PRPF18: variants seen among roughly 807,000 people sequenced by gnomAD.
PRPF18 encodes pre-mRNA-splicing factor 18.
PRPF18 carries 38 observed loss-of-function variants against 46.5 expected under a neutral mutation model. The ratio of observed to expected loss-of-function variants is 0.82; its 90% CI spans 0.63 to 1.07. The LOEUF is 1.07. Among genes scored for constraint, PRPF18 ranks in the 50% least tolerant of loss-of-function variants. PRPF18 has a pLI of 0.00. For synonymous variants in PRPF18, 152 were observed against 146.7 expected (o/e 1.04, Z -0.26); for missense variants, 263 against 410.0 (o/e 0.64, Z 3.10).
the PRPF18 span, chr10:13,653,981 A>T: frequency 7.7e-5 from 19 of 246,058 alleles, no homozygotes; most frequent in African/African-American, 4.5e-4. Flanking sequence ...TTTTTCTTGC[A>T]CCCTGAGACA....
chr10:13,638,299 CTT>C, the PRPF18 span, among the ~76,000 whole-genome samples: 25 of 124,998 alleles, frequency 2.0e-4, 1 homozygote, highest in Middle Eastern at 0.013. Context: ...CTTGGCTTTT[CTT>C]TTTTTTTTTT....
the PRPF18 span, chr10:13,644,288 T>C: frequency 1.3e-5 from 2 of 152,252 alleles, no homozygotes; most frequent in African/African-American, 4.8e-5. Context: ...TATTTCACCT[T>C]ATTTTGTTTT....
At chr10:13,597,776 T>A in intron 2 of PRPF18, 1 of 869,654 alleles carries the variant, frequency 1.1e-6, no homozygotes, top group Non-Finnish European at 1.7e-6. Context: ...CGGCATGAAG[T>A]GGCTTGAGAT....
chr10:13,620,411 A>C (rs1181170538), intron 9 of PRPF18, among the ~76,000 whole-genome samples: 1 of 152,258 alleles, frequency 6.6e-6, no homozygotes, highest in Non-Finnish European at 1.5e-5. Flanking sequence ...ATTTCTTTTT[A>C]AATTGCGGTA....
chr10:13,604,873 T>A (rs2080162457), intron 3 of PRPF18, among the ~76,000 whole-genome samples: 1 of 152,230 alleles, frequency 6.6e-6, no homozygotes, highest in Non-Finnish European at 1.5e-5. Context: ...CTTTCCATTG[T>A]TTTTAAAAGA....
the PRPF18 span, chr10:13,645,207 C>T: frequency 9.9e-5 from 15 of 152,264 alleles, no homozygotes; most frequent in East Asian, 5.8e-4. Flanking sequence ...TCTTGGATTC[C>T]ACATACATGA....
At chr10:13,627,371 G>T (rs1463693904) in intron 9 of PRPF18, among the ~76,000 whole-genome samples, 2 of 152,096 alleles carry the variant, frequency 1.3e-5, no homozygotes, top group African/African-American at 2.4e-5. Context: ...AGTAGGCACT[G>T]AATAAACATT....
chr10:13,628,965 A>G (rs1472445325), intron 9 of PRPF18, among the ~76,000 whole-genome samples: 1 of 152,176 alleles, frequency 6.6e-6, no homozygotes, highest in Non-Finnish European at 1.5e-5. Context: ...CTTAGAGGAC[A>G]TGTTTACCGA....
At chr10:13,617,684 ATT>A (rs1267379274) in intron 9 of PRPF18, among the ~76,000 whole-genome samples, 1 of 152,240 alleles carries the variant, frequency 6.6e-6, no homozygotes, top group Non-Finnish European at 1.5e-5. Flanking sequence ...TCTGAAAGAC[ATT>A]TCTTATAAAC....
chr10:13,625,878 A>C (rs1267387860), intron 9 of PRPF18, among the ~76,000 whole-genome samples: 1 of 152,232 alleles, frequency 6.6e-6, no homozygotes, highest in Non-Finnish European at 1.5e-5. Flanking sequence ...CCATCAAGTG[A>C]AGGGTAAATA....
intron 1 of PRPF18, among the ~76,000 whole-genome samples, chr10:13,588,428 C>T (rs973356685): frequency 3.3e-5 from 5 of 150,458 alleles, no homozygotes; most frequent in East Asian, 2.0e-4. Flanking sequence ...AAAATTCCTT[C>T]TAGCCAGGTG....
At chr10:13,617,641 AGT>A (rs775236848) in intron 9 of PRPF18, among the ~76,000 whole-genome samples, 3 of 152,222 alleles carry the variant, frequency 2.0e-5, no homozygotes, top group Non-Finnish European at 4.4e-5. Context: ...CCAAAGGTAT[AGT>A]GTATAAAAGT....
intron 9 of PRPF18, among the ~76,000 whole-genome samples, chr10:13,625,918 T>A (rs1033521261): frequency 2.6e-5 from 4 of 152,232 alleles, no homozygotes; most frequent in Non-Finnish European, 4.4e-5. Context: ...ATGCACACAT[T>A]CTCTGTAGTC....
At chr10:13,594,356 A>G (rs1053462029) in intron 1 of PRPF18, among the ~76,000 whole-genome samples, 1 of 152,220 alleles carries the variant, frequency 6.6e-6, no homozygotes, top group African/African-American at 2.4e-5. Flanking sequence ...TCATCCACAG[A>G]TAAGTAGTTA....
intron 2 of PRPF18, 197 bp downstream of exon 2, chr10:13,597,732 A>C (rs1317298825): frequency 1.4e-6 from 2 of 1,434,750 alleles, no homozygotes; most frequent in African/African-American, 2.8e-5. Context: ...TACATGCATG[A>C]CTTTTGGCTT....
At chr10:13,637,801 G>A in the PRPF18 span, 2 of 152,186 alleles carry the variant, frequency 1.3e-5, no homozygotes, top group Non-Finnish European at 2.9e-5. Context: ...GTTTAAGAGT[G>A]TAAGATTTGT....
chr10:13,630,119 C>G (rs1194200299), intron 9 of PRPF18, 141 bp from the exon 10 acceptor site: 3 of 630,276 alleles, frequency 4.8e-6, no homozygotes, highest in African/African-American at 1.8e-5. Flanking sequence ...AAAAATTTCT[C>G]TAGGCATACA....
intron 1 of PRPF18, among the ~76,000 whole-genome samples, chr10:13,596,229 G>T (rs1387783484): frequency 6.6e-6 from 1 of 152,110 alleles, no homozygotes; most frequent in South Asian, 2.1e-4. Flanking sequence ...TTTGATTTGT[G>T]TAATTGCTTC....
rs1589116018 is a variant in PRPF18, at chr10:13,591,928, G to C, written c.66+4776G>C. Reference sequence around the variant, plus strand: ...CAGTTTTCTCACGTGTCAACTGAGGGTTTTTTTTTTTTTTTGCCATGGCTC... The same window carrying C: ...CAGTTTTCTCACGTGTCAACTGAGGCTTTTTTTTTTTTTTTGCCATGGCTC... On this transcript the variant is annotated intron_variant, in intron 1 of 9. Transcript: ENST00000378572. 3.0e-6 allele frequency: 3 copies of C among 1,011,918 alleles called. No homozygotes were observed. The East Asian group carries it at 1.5e-4, about 49-fold the overall frequency. The allele number at this position is 1,011,918 out of a possible 1,614,324, so 62.7% of individuals were successfully genotyped here.
Sources: allele counts gnomAD v4.1 joint callset (sites outside exome capture counted in the v4.1 genomes callset), GRCh38; gene constraint gnomAD v4.1.1; transcripts MANE v1.5; gene names NCBI Gene and HGNC (gene_info 2026-07-23, HGNC 2026-07-21).